POLR2F: variants seen among roughly 807,000 people sequenced by gnomAD.
POLR2F encodes RNA polymerase II, I and III subunit F, also known as DNA-directed RNA polymerases I, II, and III subunit RPABC2.
Under a neutral mutation model 22.7 loss-of-function variants are expected in POLR2F, and 12 were observed. The observed-to-expected ratio is 0.53, with a 90% CI of 0.34 to 0.86. The LOEUF (loss-of-function observed/expected upper bound fraction) is 0.86, where lower values mean the gene tolerates loss of function less well. Among genes scored for constraint, POLR2F ranks in the 40% least tolerant of loss-of-function variants. POLR2F has a pLI of 0.02. For synonymous variants in POLR2F, 57 were observed against 66.0 expected, an observed-to-expected ratio of 0.86 and a Z score of 0.66; for missense variants, 126 against 171.5, an observed-to-expected ratio of 0.73 and a Z score of 1.48.
At chr22:38,004,369 G>T (rs1402945148) in intron 1 of POLR2F, among the ~76,000 whole-genome samples, 1 of 152,118 alleles carries the variant, frequency 6.6e-6, no homozygotes. Flanking sequence ...AGAGATTTGA[G>T]AACAAGTCAG....
chr22:38,010,376 A>C (rs2145808887), intron 1 of POLR2F, among the ~76,000 whole-genome samples: 1 of 152,024 alleles, frequency 6.6e-6, no homozygotes, highest in South Asian at 2.1e-4. Flanking sequence ...CCTTGTCAAA[A>C]AAAAAATAAA....
rs1163136571 is a variant in POLR2F, at chr22:37,969,021, G to T, written c.*1306G>T. The T allele has an allele frequency of 3.0e-6, 3 of 985,386 alleles. No individual in the cohort carries two copies. The highest frequency in any genetic ancestry group is 3.6e-6 in the Non-Finnish European group (3 of 829,986). 61.0% of individuals were successfully genotyped at this position (985,386 alleles called of 1,614,324 possible). A position where few individuals can be genotyped will look rare whatever the true frequency, so the allele number is the denominator to read the frequency against. On this transcript the variant is annotated 3_prime_UTR_variant, in exon 5 of 5. Transcript: ENST00000442738. ...CCGCCTTTGTGCTGGCATCCAGGCAGCCGCCCCAGAGTGCGGGGGTCACTT... is the reference window on the plus strand; with the variant it reads ...CCGCCTTTGTGCTGGCATCCAGGCATCCGCCCCAGAGTGCGGGGGTCACTT...
upstream of POLR2F, among the ~76,000 whole-genome samples, chr22:37,984,703 C>T (rs577175484): frequency 6.6e-6 from 1 of 152,190 alleles, no homozygotes; most frequent in African/African-American, 2.4e-5. This position sits in a 1 kb window ranked among gnomAD's most constrained non-coding sequence, Gnocchi z 4.4. Flanking sequence ...CAGGCCCCCC[C>T]ACCCAGCTCC....
chr22:37,975,475 T>C (rs192362100), intron 4 of POLR2F, among the ~76,000 whole-genome samples: 1 of 151,852 alleles, frequency 6.6e-6, no homozygotes, highest in Admixed American at 6.6e-5. Context: ...GGTCTCCTGA[T>C]GTGTGTGTGT....
At chr22:38,038,812 G>C (rs1168631342) in intron 5 of POLR2F, among the ~76,000 whole-genome samples, 2 of 140,536 alleles carry the variant, frequency 1.4e-5, no homozygotes, top group Non-Finnish European at 3.1e-5. Flanking sequence ...CCGCACCCCG[G>C]GGCTGCGCGC....
Position 37,986,208 on chromosome 22 carries a change from G to T in POLR2F, c.18G>T (p.Gly6=). 1 of 1,542,216 alleles carries T rather than the reference G, an allele frequency of 6.5e-7. No individual in the cohort carries two copies. Among genetic ancestry groups the T allele is most frequent in the Non-Finnish European group, 8.7e-7 (1 of 1,147,546 alleles). The stretch of plus-strand genomic sequence containing the variant: ...AGGAGCCGCCCTGGATGGACAGAGG[G>T]ACGAGGGACGAGCATCTGCCGTCGT... The change falls in exon 1 of 3, where the codon GGG becomes GGT. Residue 6 remains glycine, a synonymous_variant. Coordinates refer to the POLR2F transcript ENST00000333418. This position sits in a 1 kb window ranked among gnomAD's most constrained non-coding sequence, Gnocchi z 4.7.
intron 1 of POLR2F, among the ~76,000 whole-genome samples, chr22:38,023,709 G>A (rs1482154205): frequency 6.6e-6 from 1 of 152,084 alleles, no homozygotes; most frequent in South Asian, 2.1e-4. Context: ...GTCTGGCTCT[G>A]TCACCCAGTC....
chr22:37,978,240 C>A lies in POLR2F; in HGVS notation c.293+11070C>A. On this transcript the variant is annotated intron_variant, in intron 4 of 4. Coordinates refer to the POLR2F transcript ENST00000405557. This position sits in a 1 kb window ranked among gnomAD's most constrained non-coding sequence, Gnocchi z 5.0. Reference sequence around the variant, plus strand: ...AGTGTCCATCTTGGAAGATGTGAGGCCCTGGGATGGGGCACCCAGAGGACA... The same window carrying A: ...AGTGTCCATCTTGGAAGATGTGAGGACCTGGGATGGGGCACCCAGAGGACA... 7.8e-7 allele frequency: 1 copy of A among 1,284,620 alleles called. No homozygotes were observed. Among genetic ancestry groups the A allele is most frequent in the South Asian group, 1.6e-5 (1 of 63,666 alleles). 79.6% of individuals were successfully genotyped at this position (1,284,620 alleles called of 1,614,324 possible). A position where few individuals can be genotyped will look rare whatever the true frequency, so the allele number is the denominator to read the frequency against.
At position 37,986,238 on chromosome 22, in the gene POLR2F, C is replaced by G; in HGVS notation, c.48C>G (p.Pro16=). ...GGGACGAGCATCTGCCGTCGTGTCC[C>G]GGCTGCCCTGCAGTCGCCTCCAACA... The change falls in exon 1 of 3, where the codon CCC becomes CCG. Residue 16 remains proline (P), a synonymous_variant. Transcript: ENST00000333418. This position sits in a 1 kb window ranked among gnomAD's most constrained non-coding sequence, Gnocchi z 4.7. The G allele has an allele frequency of 6.5e-7, 1 of 1,540,858 alleles. No individual in the cohort carries two copies. Among genetic ancestry groups the G allele is most frequent in the South Asian group, 1.2e-5 (1 of 84,088 alleles).
At chr22:37,957,063 G>C (rs1931432581) in intron 2 of POLR2F, among the ~76,000 whole-genome samples, 3 of 152,240 alleles carry the variant, frequency 2.0e-5, no homozygotes, top group Non-Finnish European at 4.4e-5. Flanking sequence ...TGTGGCTTCT[G>C]GGGCAGTTAG....
chr22:37,955,147 G>T (rs1209122800), intron 1 of POLR2F, among the ~76,000 whole-genome samples: 1 of 151,494 alleles, frequency 6.6e-6, no homozygotes, highest in African/African-American at 2.4e-5. Flanking sequence ...ACACATTTTT[G>T]CTTCAAAGGA....
chr22:38,007,558 A>G (rs1251110356), intron 1 of POLR2F, among the ~76,000 whole-genome samples: 25 of 152,224 alleles, frequency 1.6e-4, no homozygotes, highest in Admixed American at 1.6e-3. Flanking sequence ...CATGCCTCCA[A>G]GACCCGCTTT....
At chr22:37,958,608 T>C (rs1931500097) in intron 2 of POLR2F, 2 of 152,250 alleles carry the variant, frequency 1.3e-5, no homozygotes, top group Admixed American at 1.3e-4. Flanking sequence ...TTCTCCTCTA[T>C]GCCTTTGCAT....
chr22:37,983,797 C>T, upstream of POLR2F: 1 of 1,378,980 alleles, frequency 7.3e-7, no homozygotes, highest in Non-Finnish European at 9.4e-7. The surrounding 1 kb of genome is among the most constrained non-coding windows in gnomAD (Gnocchi z 9.5). Flanking sequence ...CGCCCCCGGC[C>T]GCCGCCGCCG....
chr22:38,039,694 G>A (rs2085152931), intron 5 of POLR2F, among the ~76,000 whole-genome samples: 1 of 152,202 alleles, frequency 6.6e-6, no homozygotes, highest in South Asian at 2.1e-4. Context: ...GGCACTGCTG[G>A]CGAAGAACCT....
intron 1 of POLR2F, among the ~76,000 whole-genome samples, chr22:37,994,767 AGGTGC>A (rs2084696663): frequency 2.0e-5 from 3 of 152,146 alleles, no homozygotes; most frequent in Non-Finnish European, 4.4e-5. Context: ...TGGCCTCCCA[AGGTGC>A]TGGGATTACA....
chr22:37,954,698 A>G (rs943350328), intron 1 of POLR2F, among the ~76,000 whole-genome samples: 5 of 152,196 alleles, frequency 3.3e-5, no homozygotes, highest in Non-Finnish European at 7.3e-5. Context: ...ATATATTACT[A>G]TTTTAAAGAT....
intron 4 of POLR2F, 138 bp downstream of exon 4, chr22:37,967,308 C>T (rs936075163): frequency 6.6e-6 from 10 of 1,516,446 alleles, no homozygotes; most frequent in Non-Finnish European, 7.9e-6. Context: ...AACAGCTCAC[C>T]AGGAAGTAGG....
intron 1 of POLR2F, among the ~76,000 whole-genome samples, chr22:38,021,171 G>C (rs2084957633): frequency 6.6e-6 from 1 of 152,186 alleles, no homozygotes; most frequent in Admixed American, 6.5e-5. Flanking sequence ...GGCTGGGGAA[G>C]GCACCAGGAA....
Sources: gnomAD v4.1 joint callset for allele counts (sites outside exome capture counted in the v4.1 genomes callset) on GRCh38, gnomAD v4.1.1 for gene constraint, Gnocchi (gnomAD v3.1) non-coding constraint, MANE v1.5 for transcripts, NCBI Gene and HGNC (gene_info 2026-07-23, HGNC 2026-07-21) for gene names.